ADCY6: variants seen among roughly 807,000 people sequenced by gnomAD.
ADCY6 encodes adenylate cyclase type 6.
Under a neutral mutation model 111.6 loss-of-function variants are expected in ADCY6, and 59 were observed. The observed-to-expected ratio is 0.53, with a 90% CI of 0.43 to 0.66. The LOEUF is 0.66. Ranked by LOEUF, ADCY6 falls within the 30% of genes least tolerant of loss-of-function variation. The pLI is 0.00. For missense variants in ADCY6, 1,242 were observed against 1,595.6 expected, an observed-to-expected ratio of 0.78 and a Z score of 3.78; for synonymous variants, 576 against 642.9, an observed-to-expected ratio of 0.90 and a Z score of 1.57.
At position 48,766,626 on chromosome 12, in the gene ADCY6, A is replaced by C. The variant is rs1941386345; in HGVS notation, c.*1965T>G. ...CTCCTTCTGCCATGACTAATGAAGT[A>C]CCTGATGGCCCATTTGGTTGATGCA... On this transcript the variant is annotated 3_prime_UTR_variant, in exon 22 of 22. Coordinates refer to ENST00000357869, the MANE Select transcript of ADCY6 (RefSeq NM_015270.5). 1 of 152,606 alleles carries C rather than the reference A, an allele frequency of 6.6e-6. No homozygotes were observed. The highest frequency in any genetic ancestry group is 2.4e-5 in the African/African-American group (1 of 41,418). 9.5% of individuals were successfully genotyped at this position (152,606 alleles called of 1,614,324 possible).
At chr12:48,783,529 C>T in intron 1 of ADCY6, 91 bp from the exon 2 acceptor site, 1 of 1,582,736 alleles carries the variant, frequency 6.3e-7, no homozygotes, top group Admixed American at 1.8e-5. Flanking sequence ...ACTAGTAGCT[C>T]ATTACCTAAG....
At chr12:48,788,361 C>G (rs1477576180) in intron 1 of ADCY6, among the ~76,000 whole-genome samples, 1 of 152,194 alleles carries the variant, frequency 6.6e-6, no homozygotes, top group African/African-American at 2.4e-5. Flanking sequence ...GCCTTTCAGT[C>G]GAGCCCCAGA....
rs1283752418 is a variant in ADCY6, at chr12:48,768,614, G to A, written c.3484C>T (p.Leu1162Phe). ...KGKGEMTTYFLNGGPSS is the reference protein window; with the variant it reads ...KGKGEMTTYFFNGGPSS ...TGTTAACTGCTGGGGCCCCCATTGA[G>A]GAAGTAGGTGGTCATCTCCCCCTTG... is the stretch of plus-strand genomic sequence containing the variant. The change falls in exon 22 of 22, where the codon CTC (leucine) becomes TTC (phenylalanine). Residue 1162 changes from leucine (L) to phenylalanine (F), a missense_variant. This residue lies in a region of ADCY6 where 245 missense variants were observed against 371.3 expected (regional missense o/e 0.66). Transcript: ENST00000357869. 3 of 1,613,996 alleles carry A rather than the reference G, an allele frequency of 1.9e-6. No homozygotes were observed. The highest frequency in any genetic ancestry group is 2.5e-6 in the Non-Finnish European group (3 of 1,180,018).
intron 1 of ADCY6, chr12:48,783,662 AC>A: frequency 9.4e-7 from 1 of 1,065,010 alleles, no homozygotes; most frequent in Non-Finnish European, 1.3e-6. Flanking sequence ...CTTGCCCAAA[AC>A]CAGGCACAGT....
rs527236242 is a variant in ADCY6, at chr12:48,782,931, A to G, written c.504T>C (p.Ala168=). ...VLVLLTAVLL[A]FHAAPARPQP... ...GAGGGCGGGCGGGTGCGGCGTGGAAAGCCAGCAGCACCGCTGTGAGCAGCA... is the reference window on the plus strand; with the variant it reads ...GAGGGCGGGCGGGTGCGGCGTGGAAGGCCAGCAGCACCGCTGTGAGCAGCA... The change falls in exon 2 of 22, where the codon GCT becomes GCC. Residue 168 remains alanine (A), a synonymous_variant. Transcript: ENST00000357869. This position sits in a 1 kb window ranked among gnomAD's most constrained non-coding sequence, Gnocchi z 4.3. 1 of 1,613,462 alleles carries G rather than the reference A, an allele frequency of 6.2e-7. No individual in the cohort carries two copies. Among genetic ancestry groups the G allele is most frequent in the Admixed American group, 1.7e-5 (1 of 60,012 alleles).
Position 48,777,407 on chromosome 12 carries a change from C to T in ADCY6, c.1248+3G>A, listed in dbSNP as rs368772865. 8.3e-5 allele frequency: 134 copies of T among 1,614,022 alleles called. No individual in the cohort carries two copies. The highest frequency in any genetic ancestry group is 1.1e-4 in the Non-Finnish European group (133 of 1,179,970). ...GCCCAATCCCAAGGCCCAGCACCCT[C>T]ACCGCAGCCAGCTTGTCAAACCGGG... On this transcript the variant is annotated splice_donor_region_variant and intron_variant, in intron 5 of 21. Coordinates refer to ENST00000357869, the MANE Select transcript of ADCY6 (RefSeq NM_015270.5). This position sits in a 1 kb window ranked among gnomAD's most constrained non-coding sequence, Gnocchi z 4.9.
chr12:48,768,222 C>A lies in ADCY6; in HGVS notation c.*369G>T. On this transcript the variant is annotated 3_prime_UTR_variant, in exon 22 of 22. Transcript: ENST00000357869. ...GGGAAAAGAAGGGCTCAGCCCTGAACCTGCTGCCCAGACAGACAGGGAAGG... is the reference window on the plus strand; with the variant it reads ...GGGAAAAGAAGGGCTCAGCCCTGAAACTGCTGCCCAGACAGACAGGGAAGG... 5.9e-6 allele frequency: 2 copies of A among 340,456 alleles called. No individual in the cohort carries two copies. The highest frequency in any genetic ancestry group is 8.6e-5 in the Admixed American group (2 of 23,178). 21.1% of individuals were successfully genotyped at this position (340,456 alleles called of 1,614,324 possible).
chr12:48,782,708 C>G lies in ADCY6; in HGVS notation c.727G>C (p.Val243Leu), dbSNP rs1177352384. 6.9e-6 allele frequency: 11 copies of G among 1,592,778 alleles called. No homozygotes were observed. The highest frequency in any genetic ancestry group is 8.6e-6 in the Non-Finnish European group (10 of 1,168,924). ...RSPSAGLWCPVFFVYIAYTLL... is the reference protein window; with the variant it reads ...RSPSAGLWCPLFFVYIAYTLL... ...GTGTAGGCGATGTAGACAAAGAACACAGGGCACCAGAGGCCCGCAGAGGGG... is the reference window on the plus strand; with the variant it reads ...GTGTAGGCGATGTAGACAAAGAACAGAGGGCACCAGAGGCCCGCAGAGGGG... The change falls in exon 2 of 22, where the codon GTG (valine) becomes CTG (leucine). Residue 243 changes from valine to leucine, a missense_variant. This residue lies in a region of ADCY6 where 362 missense variants were observed against 377.2 expected (regional missense o/e 0.96). Coordinates refer to ENST00000357869, the MANE Select transcript of ADCY6 (RefSeq NM_015270.5). This position sits in a 1 kb window ranked among gnomAD's most constrained non-coding sequence, Gnocchi z 4.3.
Position 48,777,885 on chromosome 12 carries a change from A to T in ADCY6, c.1015-149T>A. 1 of 1,356,070 alleles carries T rather than the reference A, an allele frequency of 7.4e-7. No homozygotes were observed. Among genetic ancestry groups the T allele is most frequent in the Non-Finnish European group, 1.0e-6 (1 of 1,002,864 alleles). 84.0% of individuals were successfully genotyped at this position (1,356,070 alleles called of 1,614,324 possible). A position where few individuals can be genotyped will look rare whatever the true frequency, so the allele number is the denominator to read the frequency against. ...CTGTGGCCTGACCTTCCCCCATCAG[A>T]GCCCCCTCTGACCACCCTCCATTGA... On this transcript the variant is annotated intron_variant, in intron 3 of 21. Coordinates refer to ENST00000357869, the MANE Select transcript of ADCY6 (RefSeq NM_015270.5). This position sits in a 1 kb window ranked among gnomAD's most constrained non-coding sequence, Gnocchi z 4.9.
chr12:48,769,961 C>T (rs1316558278), intron 20 of ADCY6, among the ~76,000 whole-genome samples: 1 of 151,980 alleles, frequency 6.6e-6, no homozygotes, highest in Non-Finnish European at 1.5e-5. Context: ...CGGAATTTCA[C>T]CGTGTTAGTC....
At chr12:48,788,495 A>C (rs1211668851) in intron 1 of ADCY6, among the ~76,000 whole-genome samples, 1 of 151,946 alleles carries the variant, frequency 6.6e-6, no homozygotes, top group Non-Finnish European at 1.5e-5. Flanking sequence ...GGACTCCCGC[A>C]GACAGAGGGC....
rs969378571 is a variant in ADCY6 at position 48,771,482 on chromosome 12, C to T, written c.3051+228G>A. The T allele has an allele frequency of 1.5e-6, 1 of 672,172 alleles. No individual in the cohort carries two copies. Among genetic ancestry groups the T allele is most frequent in the Non-Finnish European group, 2.7e-6 (1 of 376,900 alleles). The allele number at this position is 672,172 out of a possible 1,614,324, so 41.6% of individuals were successfully genotyped here. A position where few individuals can be genotyped will look rare whatever the true frequency, so the allele number is the denominator to read the frequency against. ...CCTATCCCCCTACAGATCAAGTCCT[C>T]CCCTGCTCCCCAACAGTGATGACCC... On this transcript the variant is annotated intron_variant, in intron 19 of 21. Coordinates refer to ENST00000357869, the MANE Select transcript of ADCY6 (RefSeq NM_015270.5). This position sits in a 1 kb window ranked among gnomAD's most constrained non-coding sequence, Gnocchi z 4.3.
In ADCY6 at chr12:48,776,198, C is replaced by CTGGCCCTG; in HGVS notation, c.1677+3_1677+10dup. On this transcript the variant is annotated intron_variant, in intron 8 of 21. Transcript: ENST00000357869. The surrounding 1 kb of genome is among the most constrained non-coding windows in gnomAD (Gnocchi z 6.1). ...TTGCTCCCCTGCCCCCAGCCCTGCC[C>CTGGCCCTG]TGGCCCTGACCCGTTTCTGGCTGGC... is the stretch of plus-strand genomic sequence containing the variant. The CTGGCCCTG allele has an allele frequency of 6.2e-7, 1 of 1,614,172 alleles. No homozygotes were observed. Among genetic ancestry groups the CTGGCCCTG allele is most frequent in the South Asian group, 1.1e-5 (1 of 91,082 alleles).
At position 48,772,348 on chromosome 12, in the gene ADCY6, GC is replaced by G; in HGVS notation, c.2733del (p.His912MetfsTer11). On this transcript the variant is annotated frameshift_variant, in exon 18 of 22. Transcript: ENST00000357869. LOFTEE classifies it high-confidence loss of function. ...ILLVFALALY[L>X]HAQQVESTAR... ...GCAGTCGACTCCACCTGCTGAGCATGCAGATACAGCGCCAGCGCAAACACCA... is the reference window on the plus strand; with the variant it reads ...GCAGTCGACTCCACCTGCTGAGCATGAGATACAGCGCCAGCGCAAACACCA... 6.2e-7 allele frequency: 1 copy of G among 1,614,180 alleles called. No individual in the cohort carries two copies. The highest frequency in any genetic ancestry group is 8.5e-7 in the Non-Finnish European group (1 of 1,180,016).
rs888786576 is a variant in ADCY6, at chr12:48,777,873, T to C, written c.1015-137A>G. 7.1e-7 allele frequency: 1 copy of C among 1,398,670 alleles called. No individual in the cohort carries two copies. The highest frequency in any genetic ancestry group is 9.7e-7 in the Non-Finnish European group (1 of 1,035,836). 86.6% of individuals were successfully genotyped at this position (1,398,670 alleles called of 1,614,324 possible). On this transcript the variant is annotated intron_variant, in intron 3 of 21. Coordinates refer to ENST00000357869, the MANE Select transcript of ADCY6 (RefSeq NM_015270.5). This position sits in a 1 kb window ranked among gnomAD's most constrained non-coding sequence, Gnocchi z 4.9. The stretch of plus-strand genomic sequence containing the variant: ...TTCCCTTCTGGACTGTGGCCTGACC[T>C]TCCCCCATCAGAGCCCCCTCTGACC...
rs1425980803 is a variant in ADCY6, at chr12:48,772,916, TGACATTGCCATTTTAC to T, written c.2622-389_2622-374del. 3.9e-5 allele frequency among the ~76,000 whole-genome samples: 6 copies of T among 152,300 alleles called. No individual in the cohort carries two copies. In the East Asian group the frequency reaches 1.2e-3, roughly 29 times the overall value. On this transcript the variant is annotated intron_variant, in intron 16 of 21. Coordinates refer to ENST00000357869, the MANE Select transcript of ADCY6 (RefSeq NM_015270.5). ...CTTTACAACTACCCTGTGATTTAGGTGACATTGCCATTTTACAGATGAAGAAATTGAGGCTCAGAGA... is the reference window on the plus strand; with the variant it reads ...CTTTACAACTACCCTGTGATTTAGGTAGATGAAGAAATTGAGGCTCAGAGA...
Position 48,771,794 on chromosome 12 carries a change from A to C in ADCY6, c.2967T>G (p.Ser989=). 6.2e-7 allele frequency: 1 copy of C among 1,614,208 alleles called. No individual in the cohort carries two copies. The change falls in exon 19 of 22, where the codon TCT becomes TCG. Residue 989 remains serine (S), a synonymous_variant. Coordinates refer to ENST00000357869, the MANE Select transcript of ADCY6 (RefSeq NM_015270.5). This position sits in a 1 kb window ranked among gnomAD's most constrained non-coding sequence, Gnocchi z 4.3. ...TTGCCTCCAGCTCCACATAGAACTCAGAGAAGTTGGCAATGGAGGCAAACA... is the reference window on the plus strand; with the variant it reads ...TTGCCTCCAGCTCCACATAGAACTCCGAGAAGTTGGCAATGGAGGCAAACA... ...AVMFASIANF[S]EFYVELEANN... is the part of the protein sequence containing the mutation.
Position 48,775,951 on chromosome 12 carries a change from A to G in ADCY6, c.1806+12T>C, listed in dbSNP as rs1264780090. The G allele has an allele frequency of 3.1e-6, 5 of 1,593,498 alleles. No homozygotes were observed. Among genetic ancestry groups the G allele is most frequent in the African/African-American group, 1.3e-5 (1 of 74,468 alleles). ...AAATGAGGCCCTAGGTCTGGTGCTG[A>G]GGGCCCCTCACCATCTGGCGGAAGG... On this transcript the variant is annotated intron_variant, in intron 9 of 21. Transcript: ENST00000357869.
chr12:48,788,528 G>T (rs1224975149), intron 1 of ADCY6, among the ~76,000 whole-genome samples: 1 of 151,980 alleles, frequency 6.6e-6, no homozygotes, highest in Non-Finnish European at 1.5e-5. Context: ...GCCCAGGCCG[G>T]TTCCTCTCCC....
Sources: gnomAD v4.1 joint callset for allele counts (sites outside exome capture counted in the v4.1 genomes callset) on GRCh38, gnomAD v4.1.1 for gene constraint, gnomAD v4.1.1 regional missense constraint, Gnocchi (gnomAD v3.1) non-coding constraint, MANE v1.5 for transcripts, NCBI Gene and HGNC (gene_info 2026-07-23, HGNC 2026-07-21) for gene names.